Variants in GATAD2A observed in about 807,000 individuals in gnomAD.
The protein encoded by GATAD2A is GATA zinc finger domain containing 2A, also known as transcriptional repressor p66-alpha.
GATAD2A carries 12 observed loss-of-function variants against 68.5 expected under a neutral mutation model. The observed-to-expected ratio is 0.18, with a 90% CI of 0.11 to 0.28. The LOEUF is 0.28. Among genes scored for constraint, GATAD2A ranks in the 10% least tolerant of loss-of-function variants. GATAD2A has a pLI of 1.00. For missense variants in GATAD2A, 755 were observed against 868.5 expected, an observed-to-expected ratio of 0.87 and a Z score of 1.64; for synonymous variants, 410 against 375.3, an observed-to-expected ratio of 1.09 and a Z score of -1.07.
At chr19:19,468,847 AAAG>A (rs1326404395) in intron 2 of GATAD2A, among the ~76,000 whole-genome samples, 11 of 152,194 alleles carry the variant, frequency 7.2e-5, no homozygotes, top group Admixed American at 3.9e-4. Flanking sequence ...GAGAAGAAAT[AAAG>A]AACACTGGAA....
intron 1 of GATAD2A, among the ~76,000 whole-genome samples, chr19:19,399,878 AC>A (rs1339539343): frequency 6.6e-6 from 1 of 152,194 alleles, no homozygotes; most frequent in Non-Finnish European, 1.5e-5. Context: ...TTTTAAAAAT[AC>A]GTTTTTCTGC....
intron 1 of GATAD2A, among the ~76,000 whole-genome samples, chr19:19,450,960 C>T (rs1467020999): frequency 6.6e-6 from 1 of 151,300 alleles, no homozygotes; most frequent in Non-Finnish European, 1.5e-5. Flanking sequence ...TTAGTAGAGA[C>T]GGGGTTTCAC....
chr19:19,493,148 C>G (rs1160640568), intron 4 of GATAD2A, among the ~76,000 whole-genome samples: 1 of 152,156 alleles, frequency 6.6e-6, no homozygotes, highest in African/African-American at 2.4e-5. Flanking sequence ...ACCACATTGG[C>G]CAGGATGGTC....
intron 1 of GATAD2A, among the ~76,000 whole-genome samples, chr19:19,460,716 C>T (rs1298803084): frequency 6.6e-6 from 1 of 152,226 alleles, no homozygotes; most frequent in African/African-American, 2.4e-5. Flanking sequence ...AAGAAAGCAA[C>T]CCCCTCCGGA....
chr19:19,467,073 T>C (rs1266386555), intron 2 of GATAD2A, among the ~76,000 whole-genome samples: 1 of 152,172 alleles, frequency 6.6e-6, no homozygotes, highest in African/African-American at 2.4e-5. Context: ...AGAAGTTAAG[T>C]GTTAAAGAAA....
chr19:19,443,826 GCCACTTGGGGGTAGTTTAGGAGA>G lies in GATAD2A; in HGVS notation c.-6-21504_-6-21482del, dbSNP rs1467580600. On this transcript the variant is annotated intron_variant, in intron 1 of 11. Transcript: ENST00000683918. The stretch of plus-strand genomic sequence containing the variant: ...GCCATTTATAAAAGCTGAGGTAGAG[GCCACTTGGGGGTAGTTTAGGAGA>G]CCACTTGGGAGTAGTTTAAATTCAA... 3.3e-5 allele frequency among the ~76,000 whole-genome samples: 5 copies of G among 151,744 alleles called. No individual in the cohort carries two copies. In the South Asian group the frequency reaches 1.0e-3, roughly 32 times the overall value.
rs540990001 is a variant in GATAD2A at position 19,432,306 on chromosome 19, G to GTT, written c.-7+26291_-7+26292dup. Among the ~76,000 whole-genome samples, 17 of 151,674 alleles carry GTT rather than the reference G, an allele frequency of 1.1e-4. No homozygotes were observed. In the South Asian group the frequency reaches 3.5e-3, roughly 32 times the overall value. On this transcript the variant is annotated intron_variant, in intron 1 of 11. Transcript: ENST00000683918. ...TTTGTTTTGTTTTGTTTTTGTTTTTGTTTTTGTTTTTTGAGATGGAGTTTT... is the reference window on the plus strand; with the variant it reads ...TTTGTTTTGTTTTGTTTTTGTTTTTGTTTTTTTGTTTTTTGAGATGGAGTTTT...
intron 7 of GATAD2A, among the ~76,000 whole-genome samples, chr19:19,498,035 C>T (rs2060265540): frequency 6.6e-6 from 1 of 152,238 alleles, no homozygotes; most frequent in Admixed American, 6.5e-5. Context: ...GGTGAGCACC[C>T]TCTTACCCTG....
intron 1 of GATAD2A, among the ~76,000 whole-genome samples, chr19:19,420,716 C>A (rs1261138737): frequency 6.6e-6 from 1 of 151,704 alleles, no homozygotes; most frequent in East Asian, 1.9e-4. Flanking sequence ...GCATGAAGTG[C>A]TGATAACAGT....
intron 1 of GATAD2A, among the ~76,000 whole-genome samples, chr19:19,456,132 C>G (rs746193199): frequency 1.4e-5 from 2 of 139,384 alleles, no homozygotes; most frequent in African/African-American, 5.5e-5. Flanking sequence ...CCAGCCTGAG[C>G]GACACAGCGA....
At position 19,444,625 on chromosome 19, in the gene GATAD2A, C is replaced by G. The variant is rs117567318; in HGVS notation, c.-6-20715C>G. Among the ~76,000 whole-genome samples, 362 of 152,262 alleles carry G rather than the reference C, an allele frequency of 2.4e-3. 1 individual carries two copies. Among genetic ancestry groups the G allele is most frequent in the Non-Finnish European group, 4.2e-3 (287 of 68,024 alleles). On this transcript the variant is annotated intron_variant, in intron 1 of 11. Transcript: ENST00000683918. Reference sequence around the variant, plus strand: ...TGTATGATGCCTGTTGGTCCCAGCACTTTGGGAGGCCAAGGCATGTGGATC... The same window carrying G: ...TGTATGATGCCTGTTGGTCCCAGCAGTTTGGGAGGCCAAGGCATGTGGATC...
intron 2 of GATAD2A, among the ~76,000 whole-genome samples, chr19:19,488,804 G>A (rs1208020782): frequency 6.6e-6 from 1 of 152,146 alleles, no homozygotes; most frequent in African/African-American, 2.4e-5. Context: ...TGATCACTAC[G>A]TTTTACATTA....
intron 1 of GATAD2A, among the ~76,000 whole-genome samples, chr19:19,413,072 A>G (rs1011240519): frequency 2.0e-5 from 3 of 151,996 alleles, no homozygotes; most frequent in South Asian, 4.1e-4. Context: ...GATATTTTCT[A>G]CTCCCAGTGG....
intron 1 of GATAD2A, among the ~76,000 whole-genome samples, chr19:19,422,607 C>T (rs999819517): frequency 1.3e-5 from 2 of 152,192 alleles, no homozygotes; most frequent in African/African-American, 4.8e-5. Flanking sequence ...GGAGCCCTTG[C>T]TCTTCTTGCA....
At chr19:19,490,011 G>A (rs972540301) in intron 2 of GATAD2A, among the ~76,000 whole-genome samples, 7 of 152,242 alleles carry the variant, frequency 4.6e-5, no homozygotes, top group South Asian at 2.1e-4. Context: ...CCGGCAGCAA[G>A]GAGAGACATG....
chr19:19,415,888 T>C (rs1482855329), intron 1 of GATAD2A, among the ~76,000 whole-genome samples: 4 of 152,010 alleles, frequency 2.6e-5, no homozygotes, highest in African/African-American at 9.7e-5. Context: ...AAAGTTGGAA[T>C]TGCAGGCATG....
At position 19,386,788 on chromosome 19, in the gene GATAD2A, C is replaced by T. The variant is rs2048463741; in HGVS notation, c.-7+650C>T. On this transcript the variant is annotated intron_variant, in intron 1 of 11. Transcript: ENST00000360315. ...CCCCTGCCGGAGGGAACCCCCACCT[C>T]TCTGAGGAATCCTGCCTTTGACAGG... 2.6e-5 allele frequency among the ~76,000 whole-genome samples: 4 copies of T among 152,158 alleles called. No individual in the cohort carries two copies. In the South Asian group the frequency reaches 6.2e-4, roughly 24 times the overall value.
chr19:19,483,344 A>G (rs2059188717), intron 2 of GATAD2A, among the ~76,000 whole-genome samples: 1 of 152,196 alleles, frequency 6.6e-6, no homozygotes, highest in Non-Finnish European at 1.5e-5. Flanking sequence ...CTGAGTTTCA[A>G]AAATCCCATC....
chr19:19,434,026 G>A (rs531922565), intron 1 of GATAD2A, among the ~76,000 whole-genome samples: 1 of 152,202 alleles, frequency 6.6e-6, no homozygotes, highest in Non-Finnish European at 1.5e-5. Flanking sequence ...GCCTGCCATG[G>A]CCTCCCAAAG....
Sources: gnomAD v4.1 joint callset for allele counts (sites outside exome capture counted in the v4.1 genomes callset) on GRCh38, gnomAD v4.1.1 for gene constraint, MANE v1.5 for transcripts, NCBI Gene and HGNC (gene_info 2026-07-23, HGNC 2026-07-21) for gene names.